The following FMN2 variants were observed in gnomAD, a reference collection of about 807,000 sequenced individuals.
FMN2 encodes the protein formin-2.
A neutral mutation model predicts 142.3 loss-of-function variants in FMN2; 51 were observed. That is an observed-to-expected ratio of 0.36 (90% CI 0.29 to 0.45). FMN2 has a LOEUF of 0.45. Among genes scored for constraint, FMN2 ranks in the 20% least tolerant of loss-of-function variants. FMN2 has a pLI of 1.00. For synonymous variants in FMN2, 882 were observed against 869.8 expected (o/e 1.01, Z -0.25); for missense variants, 1,936 against 2,122.8 (o/e 0.91, Z 1.73).
At position 240,176,715 on chromosome 1, in the gene FMN2, A is replaced by G. The variant is rs764498184; in HGVS notation, c.1783-1206A>G. 2.6e-5 allele frequency among the ~76,000 whole-genome samples: 4 copies of G among 152,240 alleles called. No homozygotes were observed. In the East Asian group the frequency reaches 5.8e-4, roughly 22 times the overall value. On this transcript the variant is annotated intron_variant, in intron 2 of 17. Transcript: ENST00000319653. ...ATTTCTGATATTCAGTATGCTAAAT[A>G]GCGCAGTTTCTGGTGTTGGTCGAGA...
intron 15 of FMN2, among the ~76,000 whole-genome samples, chr1:240,425,844 A>G (rs1400073477): frequency 6.6e-6 from 1 of 152,216 alleles, no homozygotes; most frequent in Non-Finnish European, 1.5e-5. Flanking sequence ...GTCATCAACC[A>G]GAGCTTACAC....
intron 7 of FMN2, among the ~76,000 whole-genome samples, chr1:240,267,645 AAAAG>A (rs1174780221): frequency 7.0e-6 from 1 of 143,326 alleles, no homozygotes; most frequent in African/African-American, 2.5e-5. Flanking sequence ...AAAAAAAAAA[AAAAG>A]AGACCTGCAA....
intron 7 of FMN2, among the ~76,000 whole-genome samples, chr1:240,261,641 G>A (rs1668634686): frequency 6.6e-6 from 1 of 152,100 alleles, no homozygotes; most frequent in African/African-American, 2.4e-5. Context: ...TTGAATACAG[G>A]TTATTTCCCA....
chr1:240,448,318 C>G (rs1015660203), intron 16 of FMN2, among the ~76,000 whole-genome samples: 1 of 152,086 alleles, frequency 6.6e-6, no homozygotes, highest in African/African-American at 2.4e-5. Flanking sequence ...TTCACGAACT[C>G]TAAGTCATGT....
At chr1:240,113,766 A>T (rs989071405) in intron 1 of FMN2, among the ~76,000 whole-genome samples, 4 of 152,162 alleles carry the variant, frequency 2.6e-5, no homozygotes, top group African/African-American at 9.7e-5. Flanking sequence ...TTCCTTGAAC[A>T]GAAAAGGAGT....
chr1:240,464,304 A>G (rs1487329650), intron 16 of FMN2, among the ~76,000 whole-genome samples: 1 of 152,184 alleles, frequency 6.6e-6, no homozygotes, highest in Non-Finnish European at 1.5e-5. Context: ...GAGCTCACCC[A>G]TGAGTCACAG....
At chr1:240,279,755 C>T (rs565503402) in intron 7 of FMN2, among the ~76,000 whole-genome samples, 2 of 151,042 alleles carry the variant, frequency 1.3e-5, no homozygotes, top group East Asian at 3.9e-4. Flanking sequence ...GACAAGGAAA[C>T]ATTAAAGTAA....
chr1:240,362,149 C>T (rs1003801286), intron 14 of FMN2, among the ~76,000 whole-genome samples: 7 of 152,262 alleles, frequency 4.6e-5, no homozygotes, highest in African/African-American at 1.4e-4. Context: ...AACTAGTGTG[C>T]ACAGCTCTTA....
chr1:240,129,327 TA>T (rs1662641717), intron 2 of FMN2, among the ~76,000 whole-genome samples: 1 of 152,210 alleles, frequency 6.6e-6, no homozygotes. Flanking sequence ...GCTGTATATT[TA>T]TTTTTGAAAC....
intron 15 of FMN2, among the ~76,000 whole-genome samples, chr1:240,420,940 G>C (rs1674741200): frequency 1.3e-5 from 2 of 152,228 alleles, no homozygotes; most frequent in South Asian, 4.1e-4. Flanking sequence ...TGGGACAGCT[G>C]TTAGACCTGA....
chr1:240,458,859 C>A (rs1431872200), intron 16 of FMN2: 1 of 151,814 alleles, frequency 6.6e-6, no homozygotes, highest in Non-Finnish European at 1.5e-5. Context: ...GTTAAGGAAA[C>A]CTAAAACATT....
intron 3 of FMN2, among the ~76,000 whole-genome samples, chr1:240,187,269 C>CAAAAAAAAAAAAAA (rs10610560): frequency 1.2e-5 from 1 of 83,794 alleles, no homozygotes; most frequent in Non-Finnish European, 2.3e-5. Context: ...AACTCCATCT[C>CAAAAAAAAAAAAAA]AAAAAAAAAA....
intron 6 of FMN2, among the ~76,000 whole-genome samples, chr1:240,212,699 A>G (rs887899441): frequency 6.6e-6 from 1 of 152,242 alleles, no homozygotes; most frequent in African/African-American, 2.4e-5. Flanking sequence ...AATCCTTGGT[A>G]TATTTGCATA....
chr1:240,326,819 G>A (rs6679031), intron 8 of FMN2, among the ~76,000 whole-genome samples: 43,482 of 151,830 alleles, frequency 0.29, 6,267 homozygotes, highest in South Asian at 0.34. Flanking sequence ...ACAATAAAGA[G>A]GTTATAGGGA....
rs1364908292 is a variant in FMN2 at position 240,337,210 on chromosome 1, T to TC, written c.4765+2981_4765+2982insC. Reference sequence around the variant, plus strand: ...TTAAAAATTATTCCTTTTCTTTTTTTTTTTTTTTTTTTTTTTTTAAGACAG... The same window carrying TC: ...TTAAAAATTATTCCTTTTCTTTTTTTCTTTTTTTTTTTTTTTTTTAAGACAG... On this transcript the variant is annotated intron_variant, in intron 13 of 17. Coordinates refer to ENST00000319653, the MANE Select transcript of FMN2 (RefSeq NM_020066.5). Among the ~76,000 whole-genome samples, 771 of 142,122 alleles carry TC rather than the reference T, an allele frequency of 5.4e-3. 2 individuals carry two copies. The highest frequency in any genetic ancestry group is 0.023 in the South Asian group (107 of 4,612). 93.2% of individuals were successfully genotyped at this position (142,122 alleles called of 152,430 possible).
chr1:240,396,303 C>CGTGTGT (rs57641655), intron 15 of FMN2, among the ~76,000 whole-genome samples: 1,725 of 142,780 alleles, frequency 0.012, 16 homozygotes, highest in Middle Eastern at 0.019. Flanking sequence ...CCGAGGTTTT[C>CGTGTGT]GTGTGTGTGT....
chr1:240,218,897 A>C (rs1667005819), intron 6 of FMN2, among the ~76,000 whole-genome samples: 1 of 152,208 alleles, frequency 6.6e-6, no homozygotes, highest in African/African-American at 2.4e-5. Context: ...GTTCCATGCT[A>C]TATACTAAAG....
chr1:240,211,058 T>C lies in FMN2; in HGVS notation c.3921-33T>C, dbSNP rs779381359. The C allele has an allele frequency of 1.5e-5, 24 of 1,582,686 alleles. 1 individual carries two copies. The South Asian group carries it at 2.6e-4, about 17-fold the overall frequency. On this transcript the variant is annotated intron_variant, in intron 5 of 17. Coordinates refer to ENST00000319653, the MANE Select transcript of FMN2 (RefSeq NM_020066.5). ...TTGCTGTGATGTAAGTTCAGTTTGA[T>C]GGCTGTTTTATTGTTCTTTTGCTTA...
intron 16 of FMN2, among the ~76,000 whole-genome samples, chr1:240,442,809 C>T (rs555963086): frequency 2.4e-4 from 37 of 152,244 alleles, no homozygotes; most frequent in African/African-American, 8.2e-4. Context: ...ACATCCGTGT[C>T]GGATAGGGCT....
Sources: allele counts gnomAD v4.1 joint callset (sites outside exome capture counted in the v4.1 genomes callset), GRCh38; gene constraint gnomAD v4.1.1; transcripts MANE v1.5; gene names NCBI Gene and HGNC (gene_info 2026-07-23, HGNC 2026-07-21).